CALM2: variants seen among roughly 807,000 people sequenced by gnomAD.
CALM2 encodes calmodulin 2.
In CALM2, 2 loss-of-function variants were observed where a neutral mutation model predicts 19.8. The observed-to-expected ratio is 0.10, with a 90% CI of 0.04 to 0.32. The LOEUF (loss-of-function observed/expected upper bound fraction) is 0.32, where lower values mean the gene tolerates loss of function less well. Among genes scored for constraint, CALM2 ranks in the 10% least tolerant of loss-of-function variants. The probability of loss-of-function intolerance (pLI) is 1.00; values close to 1 mark genes in which losing one functional copy is unlikely to be tolerated. For synonymous variants in CALM2, 51 were observed against 52.1 expected, an observed-to-expected ratio of 0.98 and a Z score of 0.09; for missense variants, 38 against 178.7, an observed-to-expected ratio of 0.21 and a Z score of 4.49.
intron 2 of CALM2, among the ~76,000 whole-genome samples, chr2:47,165,369 T>C (rs1422954827): frequency 6.6e-6 from 1 of 151,706 alleles, no homozygotes; most frequent in African/African-American, 2.4e-5. Context: ...GTAAGTGGGG[T>C]GACACAGTAT....
chr2:47,170,579 A>C (rs771934506), intron 2 of CALM2, among the ~76,000 whole-genome samples, 155 bp downstream of exon 2: 1 of 152,258 alleles, frequency 6.6e-6, no homozygotes, highest in Non-Finnish European at 1.5e-5. Flanking sequence ...CCACTTGCCA[A>C]AGCAGGTTGA....
chr2:47,171,585 C>T (rs906808977), intron 1 of CALM2: 3 of 152,030 alleles, frequency 2.0e-5, no homozygotes, highest in East Asian at 1.9e-4. Context: ...TTCAGAGCAC[C>T]GTAATATATA....
At chr2:47,175,674 C>T (rs1666834927) in intron 1 of CALM2, among the ~76,000 whole-genome samples, 1 of 151,348 alleles carries the variant, frequency 6.6e-6, no homozygotes, top group African/African-American at 2.4e-5. Context: ...GGGAAACCGT[C>T]GAGGCCCCCC....
chr2:47,164,225 G>A (rs1409799665), intron 2 of CALM2, among the ~76,000 whole-genome samples: 6 of 140,544 alleles, frequency 4.3e-5, no homozygotes, highest in South Asian at 4.6e-4. Context: ...GCGACAGAGC[G>A]AGACTCCGTC....
upstream of CALM2, chr2:47,176,807 C>T: frequency 1.0e-6 from 1 of 985,454 alleles, no homozygotes; most frequent in Non-Finnish European, 1.2e-6. Context: ...CGATGCGTCC[C>T]CCGTTGGTCG....
chr2:47,169,009 C>T (rs1479939863), intron 2 of CALM2, among the ~76,000 whole-genome samples: 1 of 152,094 alleles, frequency 6.6e-6, no homozygotes, highest in Admixed American at 6.5e-5. Context: ...AACTCCTGAC[C>T]TCAAGTGATC....
At chr2:47,167,814 C>CTTTTCTTTTCTT in intron 2 of CALM2, 1 of 96,526 alleles carries the variant, frequency 1.0e-5, no homozygotes. Flanking sequence ...TTTTTCTTTT[C>CTTTTCTTTTCTT]TTTGAGACAG....
intron 1 of CALM2, among the ~76,000 whole-genome samples, chr2:47,175,454 A>C (rs1413937811): frequency 6.6e-6 from 1 of 152,202 alleles, no homozygotes; most frequent in Non-Finnish European, 1.5e-5. Context: ...GGTGAACAAG[A>C]AACGCCTTGT....
At chr2:47,164,354 ACACACACACACACACACAC>A in intron 2 of CALM2, among the ~76,000 whole-genome samples, 1 of 6,430 alleles carries the variant, frequency 1.6e-4, no homozygotes, top group Non-Finnish European at 2.8e-4. Flanking sequence ...TAAAACACAC[ACACACACACACACACACAC>A]ACACACACAC....
intron 2 of CALM2, among the ~76,000 whole-genome samples, chr2:47,169,589 A>G (rs896594317): frequency 1.3e-5 from 2 of 152,248 alleles, no homozygotes; most frequent in Non-Finnish European, 2.9e-5. Flanking sequence ...CAACCTCAGA[A>G]AGTAAAAACT....
chr2:47,165,212 T>C (rs757877782), intron 2 of CALM2, among the ~76,000 whole-genome samples: 7 of 152,244 alleles, frequency 4.6e-5, no homozygotes, highest in African/African-American at 7.2e-5. Flanking sequence ...CCATATGGCA[T>C]AGAAACTAAA....
rs887175051 is a variant in CALM2, at chr2:47,176,178, G to C, written c.3+263C>G. The stretch of plus-strand genomic sequence containing the variant: ...CTCATCCCGGACCCATCCTCCTCCA[G>C]CCAAGCCCCCGAGGAGCTTCACCAC... On this transcript the variant is annotated intron_variant, in intron 1 of 5. Coordinates refer to ENST00000272298, the MANE Select transcript of CALM2 (RefSeq NM_001743.6). The C allele has an allele frequency of 2.8e-5, 14 of 508,216 alleles. No individual in the cohort carries two copies. In the East Asian group the frequency reaches 4.1e-4, roughly 15 times the overall value. 31.5% of individuals were successfully genotyped at this position (508,216 alleles called of 1,614,324 possible). A position where few individuals can be genotyped will look rare whatever the true frequency, so the allele number is the denominator to read the frequency against.
chr2:47,175,118 C>T (rs1191808643), intron 1 of CALM2, among the ~76,000 whole-genome samples: 1 of 109,238 alleles, frequency 9.2e-6, no homozygotes, highest in Non-Finnish European at 1.7e-5. Flanking sequence ...ACATGATCTC[C>T]CAGTCTGAGG....
chr2:47,167,757 T>C (rs1459655214), intron 2 of CALM2: 4 of 136,424 alleles, frequency 2.9e-5, no homozygotes, highest in Non-Finnish European at 6.2e-5. Flanking sequence ...ACAAGGATGT[T>C]AGCGGTCACC....
intron 1 of CALM2, chr2:47,173,851 A>G (rs1666757259): frequency 6.6e-6 from 1 of 152,242 alleles, no homozygotes; most frequent in Non-Finnish European, 1.5e-5. Flanking sequence ...TTATTTCATT[A>G]GGGTAAAAAG....
At chr2:47,173,808 TATTTG>T (rs1456990374) in intron 1 of CALM2, 1 of 152,238 alleles carries the variant, frequency 6.6e-6, no homozygotes, top group Admixed American at 6.5e-5. Context: ...GAAGCCAGGA[TATTTG>T]TTTTACCTGT....
intron 2 of CALM2, among the ~76,000 whole-genome samples, chr2:47,169,025 C>T (rs1365113982): frequency 5.3e-5 from 8 of 151,976 alleles, no homozygotes; most frequent in African/African-American, 1.4e-4. Context: ...TGATCCGCCT[C>T]GGCCTCCCAA....
At chr2:47,163,003 GGAAAAGAACCAAAT>G in intron 2 of CALM2, 1 of 168,992 alleles carries the variant, frequency 5.9e-6, no homozygotes, top group South Asian at 1.7e-4. Flanking sequence ...GGTTTACAGA[GGAAAAGAACCAAAT>G]CCCCAAATGA....
intron 2 of CALM2, among the ~76,000 whole-genome samples, chr2:47,170,039 T>G (rs1244573134): frequency 1.3e-5 from 2 of 151,928 alleles, no homozygotes; most frequent in African/African-American, 4.8e-5. Flanking sequence ...CATCTCAATG[T>G]ACAAGGATAA....
Sources: allele counts gnomAD v4.1 joint callset (sites outside exome capture counted in the v4.1 genomes callset), GRCh38; gene constraint gnomAD v4.1.1; transcripts MANE v1.5; gene names NCBI Gene and HGNC (gene_info 2026-07-23, HGNC 2026-07-21).